The following SLC13A5 variants were observed in gnomAD, a reference collection of about 807,000 sequenced individuals.
The protein encoded by SLC13A5 is solute carrier family 13 member 5, also known as Na(+)/citrate cotransporter.
A neutral mutation model predicts 56.5 loss-of-function variants in SLC13A5; 25 were observed. The ratio of observed to expected loss-of-function variants is 0.44; its 90% CI spans 0.32 to 0.62. The LOEUF (loss-of-function observed/expected upper bound fraction) is 0.62. Ranked by LOEUF, SLC13A5 falls within the 20% of genes least tolerant of loss-of-function variation. SLC13A5 has a pLI of 0.04. For missense variants in SLC13A5, 649 were observed against 737.8 expected (o/e 0.88, Z 1.39); for synonymous variants, 307 against 301.5 (o/e 1.02, Z -0.19).
In SLC13A5 at chr17:6,702,997, T is replaced by C. The variant is rs760650951; in HGVS notation, c.689A>G (p.Asn230Ser). ...GTATLTGTGPNVVLLGQMNEL... is the reference protein window; with the variant it reads ...GTATLTGTGPSVVLLGQMNEL... Reference sequence around the variant, plus strand: ...GTTCATCTGGCCCAGGAGCACCACGTTGGGTCCCGTCCCGGTCAGGGTGGC... The same window carrying C: ...GTTCATCTGGCCCAGGAGCACCACGCTGGGTCCCGTCCCGGTCAGGGTGGC... Residue 230 changes from asparagine (N) to serine (S), a missense_variant, in exon 5 of 12, where the codon AAC (asparagine) becomes AGC (serine). Transcript: ENST00000433363. 3.7e-6 allele frequency: 6 copies of C among 1,614,072 alleles called. No homozygotes were observed. The highest frequency in any genetic ancestry group is 2.2e-5 in the East Asian group (1 of 44,892).
Position 6,708,798 on chromosome 17 carries a change from G to A in SLC13A5, c.103-1642C>T, listed in dbSNP as rs139969311. The stretch of plus-strand genomic sequence containing the variant: ...CCCATTGCAGAATGCACACTGACAC[G>A]CACGCCCACGCTCACTCAGACAGGG... On this transcript the variant is annotated intron_variant, in intron 1 of 11. Coordinates refer to ENST00000433363, the MANE Select transcript of SLC13A5 (RefSeq NM_177550.5). Among the ~76,000 whole-genome samples, 560 of 152,168 alleles carry A rather than the reference G, an allele frequency of 3.7e-3. 3 individuals carry two copies. The highest frequency in any genetic ancestry group is 0.013 in the African/African-American group (531 of 41,508).
At chr17:6,700,354 G>T (rs529187666) in intron 6 of SLC13A5, among the ~76,000 whole-genome samples, 149 of 152,286 alleles carry the variant, frequency 9.8e-4, no homozygotes, top group African/African-American at 3.3e-3. Context: ...GAGGTATTCA[G>T]TAAATGTCTG....
At position 6,685,899 on chromosome 17, in the gene SLC13A5, A is replaced by G; in HGVS notation, c.*308T>C. The G allele has an allele frequency of 2.7e-6, 1 of 371,372 alleles. No individual in the cohort carries two copies. Among genetic ancestry groups the G allele is most frequent in the Non-Finnish European group, 5.1e-6 (1 of 196,502 alleles). The allele number at this position is 371,372 out of a possible 1,614,324, so 23.0% of individuals were successfully genotyped here. A position where few individuals can be genotyped will look rare whatever the true frequency, so the allele number is the denominator to read the frequency against. On this transcript the variant is annotated 3_prime_UTR_variant, in exon 12 of 12. Transcript: ENST00000433363. This position sits in a 1 kb window ranked among gnomAD's most constrained non-coding sequence, Gnocchi z 4.2. ...GGGATGCTTGAGGCAGAGCGGGTAC[A>G]GCAGCCTGCATCCTGATCCCTCGGC...
At chr17:6,712,848 C>A (rs1009972040) in intron 1 of SLC13A5, among the ~76,000 whole-genome samples, 1 of 152,206 alleles carries the variant, frequency 6.6e-6, no homozygotes, top group Non-Finnish European at 1.5e-5. Flanking sequence ...CTCCCAGGTT[C>A]CCTGTTGGCG....
rs944157505 is a variant in SLC13A5 at position 6,710,793 on chromosome 17, A to AAG, written c.102+2437_102+2438dup. On this transcript the variant is annotated intron_variant, in intron 1 of 11. Coordinates refer to ENST00000433363, the MANE Select transcript of SLC13A5 (RefSeq NM_177550.5). The stretch of plus-strand genomic sequence containing the variant: ...GTGTGTGTGTGTGTGTGTGTCTGGG[A>AAG]AGAGAGAGAGAGATTCATCTGGAAA... Among the ~76,000 whole-genome samples, 50 of 145,578 alleles carry AAG rather than the reference A, an allele frequency of 3.4e-4. 1 individual carries two copies. The highest frequency in any genetic ancestry group is 1.2e-3 in the African/African-American group (45 of 36,526).
chr17:6,706,922 T>A, intron 2 of SLC13A5, 106 bp downstream of exon 2: 1 of 1,562,636 alleles, frequency 6.4e-7, no homozygotes, highest in East Asian at 2.3e-5. Flanking sequence ...AATCCACAAA[T>A]GAGGGTTTTC....
intron 1 of SLC13A5, among the ~76,000 whole-genome samples, chr17:6,707,650 T>A (rs1052670953): frequency 7.9e-5 from 12 of 152,160 alleles, no homozygotes; most frequent in Non-Finnish European, 8.8e-5. Context: ...TGAGATGGAG[T>A]GTCGCTCTTG....
rs1206864418 is a variant in SLC13A5, at chr17:6,684,911, A to G, written c.*1296T>C. On this transcript the variant is annotated 3_prime_UTR_variant, in exon 12 of 12. Coordinates refer to ENST00000433363, the MANE Select transcript of SLC13A5 (RefSeq NM_177550.5). ...ACTGCCTCTCTTCCAGAGCAGCACA[A>G]GAAGGAAATAAAATGGACTTGCGGG... 3 of 152,206 alleles carry G rather than the reference A, an allele frequency of 2.0e-5. No individual in the cohort carries two copies. Among genetic ancestry groups the G allele is most frequent in the East Asian group, 3.8e-4 (2 of 5,196 alleles). The allele number at this position is 152,206 out of a possible 1,614,324, so 9.4% of individuals were successfully genotyped here. A position where few individuals can be genotyped will look rare whatever the true frequency, so the allele number is the denominator to read the frequency against.
intron 6 of SLC13A5, among the ~76,000 whole-genome samples, chr17:6,696,151 G>C (rs1200179479): frequency 6.6e-6 from 1 of 152,214 alleles, no homozygotes; most frequent in Admixed American, 6.5e-5. Context: ...TCTCTGTAGA[G>C]AGGCTAGAGG....
chr17:6,704,675 C>G (rs1261850377), intron 3 of SLC13A5: 3 of 194,162 alleles, frequency 1.5e-5, no homozygotes, highest in African/African-American at 6.9e-5. Flanking sequence ...GTGGAGCTAT[C>G]ACACAAACAG....
chr17:6,703,740 C>T (rs879080643), intron 4 of SLC13A5, 138 bp downstream of exon 4: 12 of 843,638 alleles, frequency 1.4e-5, no homozygotes, highest in Non-Finnish European at 1.7e-6. Flanking sequence ...ACAGTATTTT[C>T]TATTTTTTTT....
intron 1 of SLC13A5, among the ~76,000 whole-genome samples, chr17:6,709,430 C>G (rs781475653): frequency 6.6e-6 from 1 of 151,900 alleles, no homozygotes; most frequent in Non-Finnish European, 1.5e-5. Context: ...CCACCACGCC[C>G]GGCTAATTTT....
At chr17:6,705,276 G>T (rs533020368) in intron 3 of SLC13A5, 15 of 152,330 alleles carry the variant, frequency 9.8e-5, no homozygotes, top group African/African-American at 2.9e-4. Context: ...GGCACCAAGG[G>T]TGCCTCACAT....
intron 1 of SLC13A5, among the ~76,000 whole-genome samples, chr17:6,709,458 G>T (rs218680): frequency 0.58 from 88,363 of 151,684 alleles, 27,703 homozygotes; most frequent in African/African-American, 0.82. Flanking sequence ...TTAGTAGAGA[G>T]GGGATTTCAC....
intron 1 of SLC13A5, among the ~76,000 whole-genome samples, chr17:6,712,994 C>T (rs1463405144): frequency 6.6e-6 from 1 of 152,210 alleles, no homozygotes; most frequent in Non-Finnish European, 1.5e-5. Context: ...GCCTGGACGG[C>T]TCTTGCGCCC....
chr17:6,692,090 G>A lies in SLC13A5; in HGVS notation c.1275+954C>T, dbSNP rs1017362586. Among the ~76,000 whole-genome samples, 5 of 151,866 alleles carry A rather than the reference G, an allele frequency of 3.3e-5. No individual in the cohort carries two copies. The highest frequency in any genetic ancestry group is 1.2e-4 in the African/African-American group (5 of 41,240). ...TCTCTGTGCCTGGCATAACACTAGG[G>A]ACATAATAGGAATGTTGGATGGATG... On this transcript the variant is annotated intron_variant, in intron 9 of 11. Transcript: ENST00000433363. The surrounding 1 kb of genome is among the most constrained non-coding windows in gnomAD (Gnocchi z 5.5).
chr17:6,698,813 G>A (rs1412027220), intron 6 of SLC13A5, among the ~76,000 whole-genome samples: 6 of 152,092 alleles, frequency 3.9e-5, no homozygotes, highest in East Asian at 3.9e-4. Flanking sequence ...CAAGGAGGGC[G>A]GATCACCGGA....
In SLC13A5 at chr17:6,692,869, T is replaced by G; in HGVS notation, c.1275+175A>C. The G allele has an allele frequency of 1.6e-6, 1 of 608,890 alleles. No individual in the cohort carries two copies. The highest frequency in any genetic ancestry group is 2.9e-6 in the Non-Finnish European group (1 of 339,878). The allele number at this position is 608,890 out of a possible 1,614,324, so 37.7% of individuals were successfully genotyped here. ...AGGTTACTTTCTGTCTTCCAGGCCC[T>G]GTGTGTGGTGTAGAGTTCCTAGATG... On this transcript the variant is annotated intron_variant, in intron 9 of 11. Transcript: ENST00000433363. The surrounding 1 kb of genome is among the most constrained non-coding windows in gnomAD (Gnocchi z 5.5).
chr17:6,710,143 G>T (rs879508484), intron 1 of SLC13A5, among the ~76,000 whole-genome samples: 2 of 152,262 alleles, frequency 1.3e-5, no homozygotes, highest in Admixed American at 1.3e-4. Context: ...GCCTTTGGCA[G>T]CCACTAACTT....
Sources: gnomAD v4.1 joint callset for allele counts (sites outside exome capture counted in the v4.1 genomes callset) on GRCh38, gnomAD v4.1.1 for gene constraint, Gnocchi (gnomAD v3.1) non-coding constraint, MANE v1.5 for transcripts, NCBI Gene and HGNC (gene_info 2026-07-23, HGNC 2026-07-21) for gene names.